CAMTA1: variants seen among roughly 807,000 people sequenced by gnomAD.
CAMTA1 encodes the protein calmodulin binding transcription activator 1.
CAMTA1 carries 27 observed loss-of-function variants against 170.9 expected under a neutral mutation model. The observed-to-expected ratio is 0.16, with a 90% CI of 0.12 to 0.22. The LOEUF is 0.22. Ranked by LOEUF, CAMTA1 falls within the 10% of genes least tolerant of loss-of-function variation. CAMTA1 has a pLI of 1.00. For synonymous variants in CAMTA1, 833 were observed against 891.5 expected, an observed-to-expected ratio of 0.93 and a Z score of 1.17; for missense variants, 1,619 against 2,217.2, an observed-to-expected ratio of 0.73 and a Z score of 5.42.
intron 6 of CAMTA1, among the ~76,000 whole-genome samples, chr1:7,492,166 C>T (rs1435442707): frequency 6.6e-6 from 1 of 152,178 alleles, no homozygotes; most frequent in Non-Finnish European, 1.5e-5. Flanking sequence ...GCAAGTCCTC[C>T]TTGGTAGAGC....
At chr1:7,123,536 C>A (rs1182430029) in intron 4 of CAMTA1, among the ~76,000 whole-genome samples, 1 of 152,206 alleles carries the variant, frequency 6.6e-6, no homozygotes, top group Non-Finnish European at 1.5e-5. Context: ...TCCACACCTG[C>A]TCTCTGCCCT....
intron 3 of CAMTA1, among the ~76,000 whole-genome samples, chr1:6,878,714 A>T (rs1315817983): frequency 6.6e-6 from 1 of 152,250 alleles, no homozygotes; most frequent in Admixed American, 6.5e-5. Flanking sequence ...TGCCATCAGC[A>T]GGAAGCTGGA....
At chr1:7,444,168 A>T (rs1213261430) in intron 5 of CAMTA1, among the ~76,000 whole-genome samples, 1 of 152,214 alleles carries the variant, frequency 6.6e-6, no homozygotes, top group Non-Finnish European at 1.5e-5. Context: ...ACCCCTTATT[A>T]AAAGAGTTAC....
rs1558336799 is a variant in CAMTA1 at position 7,766,434 on chromosome 1, CTGTTT to C, written c.4990-14_4990-10del. 2 of 1,612,720 alleles carry C rather than the reference CTGTTT, an allele frequency of 1.2e-6. No homozygotes were observed. Among genetic ancestry groups the C allele is most frequent in the East Asian group, 2.2e-5 (1 of 44,888 alleles). On this transcript the variant is annotated intron_variant, in intron 22 of 22. Transcript: ENST00000303635. The stretch of plus-strand genomic sequence containing the variant: ...CAATTCACTATAGAGTTATCGCCTG[CTGTTT>C]TGTTTTGTTTCTCTTCCAGAGTGAA...
At chr1:6,955,605 ATTG>A (rs1473631004) in intron 3 of CAMTA1, among the ~76,000 whole-genome samples, 1 of 152,058 alleles carries the variant, frequency 6.6e-6, no homozygotes, top group African/African-American at 2.4e-5. Context: ...TATTACTACT[ATTG>A]TTGTGACTGT....
chr1:7,385,399 G>A (rs1194988746), intron 5 of CAMTA1, among the ~76,000 whole-genome samples: 1 of 152,182 alleles, frequency 6.6e-6, no homozygotes, highest in Non-Finnish European at 1.5e-5. Flanking sequence ...TTTGCTTTTG[G>A]CGTTTTACGT....
intron 6 of CAMTA1, among the ~76,000 whole-genome samples, chr1:7,517,692 C>T (rs1339301319): frequency 2.0e-5 from 3 of 151,872 alleles, no homozygotes; most frequent in Non-Finnish European, 4.4e-5. Context: ...CTCAAATCTT[C>T]AGGGTCAGAG....
In CAMTA1 at chr1:7,738,495, G is replaced by A. The variant is rs772691824; in HGVS notation, c.4182+13G>A. On this transcript the variant is annotated intron_variant, in intron 16 of 22. Coordinates refer to ENST00000303635, the MANE Select transcript of CAMTA1 (RefSeq NM_015215.4). The surrounding 1 kb of genome is among the most constrained non-coding windows in gnomAD (Gnocchi z 4.9). ...GGATGACATACAGGTAAAAAGCAGG[G>A]ACAGGGTAAGCCCGCAGAGGCTGGT... 1 of 1,609,694 alleles carries A rather than the reference G, an allele frequency of 6.2e-7. No homozygotes were observed. Among genetic ancestry groups the A allele is most frequent in the Admixed American group, 1.7e-5 (1 of 59,884 alleles).
chr1:7,276,375 C>T (rs1437544514), intron 5 of CAMTA1, among the ~76,000 whole-genome samples: 4 of 141,232 alleles, frequency 2.8e-5, no homozygotes, highest in South Asian at 2.3e-4. Context: ...AATGGTGTGA[C>T]GTCGCCTCAC....
chr1:6,869,976 A>G (rs1667911574), intron 3 of CAMTA1, among the ~76,000 whole-genome samples: 1 of 152,208 alleles, frequency 6.6e-6, no homozygotes. Flanking sequence ...TGAATACTGC[A>G]TCATCTTGAT....
chr1:7,185,643 T>G (rs1653104855), intron 4 of CAMTA1, among the ~76,000 whole-genome samples: 1 of 152,194 alleles, frequency 6.6e-6, no homozygotes, highest in Non-Finnish European at 1.5e-5. Flanking sequence ...CTGAATCAAG[T>G]GATCAAAAGT....
At chr1:7,672,569 G>C (rs534978788) in intron 10 of CAMTA1, among the ~76,000 whole-genome samples, 34 of 152,104 alleles carry the variant, frequency 2.2e-4, no homozygotes, top group Middle Eastern at 3.4e-3. Flanking sequence ...CTATAGGCTT[G>C]TGCCACCACA....
chr1:6,839,754 AAT>A (rs910885464), intron 3 of CAMTA1, among the ~76,000 whole-genome samples: 117 of 152,336 alleles, frequency 7.7e-4, no homozygotes, highest in African/African-American at 2.6e-3. Flanking sequence ...AGGCAAAGGT[AAT>A]AGCCTGTGCA....
At chr1:6,972,391 C>T (rs565176222) in intron 3 of CAMTA1, among the ~76,000 whole-genome samples, 2 of 152,246 alleles carry the variant, frequency 1.3e-5, no homozygotes, top group East Asian at 1.9e-4. Flanking sequence ...ATTTGACATT[C>T]GACAACTGTT....
intron 5 of CAMTA1, among the ~76,000 whole-genome samples, chr1:7,453,434 A>G (rs1283470549): frequency 6.6e-6 from 1 of 152,210 alleles, no homozygotes; most frequent in Non-Finnish European, 1.5e-5. Flanking sequence ...AGGAACCACT[A>G]ATCAGGAAGG....
intron 5 of CAMTA1, among the ~76,000 whole-genome samples, chr1:7,356,800 C>A (rs188778625): frequency 1.8e-3 from 274 of 152,326 alleles, no homozygotes; most frequent in Middle Eastern, 6.8e-3. Flanking sequence ...ATCTACTGAC[C>A]AACCGAGGAC....
rs1180773965 is a variant in CAMTA1 at position 7,276,303 on chromosome 1, AT to A, written c.438+26695del. Reference sequence around the variant, plus strand: ...CATATATATATATATATATATATATATTTTTTTTTTTTTTTTTTCTTTTTGA... The same window carrying A: ...CATATATATATATATATATATATATATTTTTTTTTTTTTTTTTCTTTTTGA... On this transcript the variant is annotated intron_variant, in intron 5 of 22. Transcript: ENST00000303635. 1.2e-3 allele frequency among the ~76,000 whole-genome samples: 30 copies of A among 24,230 alleles called. 1 individual carries two copies. The highest frequency in any genetic ancestry group is 9.1e-3 in the East Asian group (6 of 662). 15.9% of individuals were successfully genotyped at this position (24,230 alleles called of 152,430 possible).
At chr1:7,154,508 T>A (rs1486986777) in intron 4 of CAMTA1, among the ~76,000 whole-genome samples, 3 of 152,170 alleles carry the variant, frequency 2.0e-5, no homozygotes, top group African/African-American at 7.2e-5. Context: ...GCTGTCCACA[T>A]CCCTTTCTGG....
intron 3 of CAMTA1, among the ~76,000 whole-genome samples, chr1:6,890,196 C>T (rs945558027): frequency 3.9e-5 from 6 of 152,144 alleles, no homozygotes; most frequent in Admixed American, 2.0e-4. Context: ...GTTCAGTGCT[C>T]GTCAGTTTCC....
Sources: gnomAD v4.1 joint callset for allele counts (sites outside exome capture counted in the v4.1 genomes callset) on GRCh38, gnomAD v4.1.1 for gene constraint, Gnocchi (gnomAD v3.1) non-coding constraint, MANE v1.5 for transcripts, NCBI Gene and HGNC (gene_info 2026-07-23, HGNC 2026-07-21) for gene names.